The following SYN3 variants were observed in gnomAD, a reference collection of about 807,000 sequenced individuals.
SYN3 encodes synapsin III.
SYN3 carries 35 observed loss-of-function variants against 65.8 expected under a neutral mutation model. The ratio of observed to expected loss-of-function variants is 0.53; its 90% CI spans 0.41 to 0.70. The LOEUF (loss-of-function observed/expected upper bound fraction) is 0.70. SYN3 is among the 30% of genes least tolerant of loss of function. The probability of loss-of-function intolerance (pLI) is 0.00; values close to 1 mark genes in which losing one functional copy is unlikely to be tolerated. For synonymous variants in SYN3, 270 were observed against 292.9 expected, an observed-to-expected ratio of 0.92 and a Z score of 0.80; for missense variants, 680 against 749.0, an observed-to-expected ratio of 0.91 and a Z score of 1.08.
intron 6 of SYN3, among the ~76,000 whole-genome samples, chr22:32,842,787 A>G (rs1319035793): frequency 2.0e-5 from 3 of 152,142 alleles, no homozygotes; most frequent in African/African-American, 4.8e-5. Context: ...TAAACAGATG[A>G]TACGATATAC....
At chr22:32,689,870 G>C (rs2060639700) in intron 6 of SYN3, among the ~76,000 whole-genome samples, 1 of 152,114 alleles carries the variant, frequency 6.6e-6, no homozygotes, top group Non-Finnish European at 1.5e-5. Context: ...TGGGTTCTCA[G>C]TGCCCTTATA....
chr22:32,705,237 T>C (rs1351909529), intron 6 of SYN3, among the ~76,000 whole-genome samples: 2 of 152,156 alleles, frequency 1.3e-5, no homozygotes, highest in Non-Finnish European at 2.9e-5. Context: ...TTGTATATGG[T>C]GTAAGGAAGG....
chr22:32,990,605 G>T (rs1474091383), intron 2 of SYN3, among the ~76,000 whole-genome samples: 5 of 152,134 alleles, frequency 3.3e-5, no homozygotes, highest in African/African-American at 1.2e-4. Context: ...TGCCATCCTG[G>T]TTTTTACTGT....
intron 6 of SYN3, among the ~76,000 whole-genome samples, chr22:32,625,959 A>G (rs948093569): frequency 2.0e-4 from 30 of 152,224 alleles, no homozygotes; most frequent in African/African-American, 6.3e-4. Context: ...AAGGTTTCAA[A>G]TCAGACAGAG....
chr22:32,573,638 G>A (rs993378431), intron 7 of SYN3, among the ~76,000 whole-genome samples: 2 of 152,006 alleles, frequency 1.3e-5, no homozygotes, highest in African/African-American at 4.8e-5. Context: ...CAAAAGGAGA[G>A]TTTTGAGTGG....
chr22:32,731,470 C>T (rs2061269561), intron 6 of SYN3, among the ~76,000 whole-genome samples: 1 of 152,158 alleles, frequency 6.6e-6, no homozygotes, highest in Non-Finnish European at 1.5e-5. Flanking sequence ...AGGTCATATC[C>T]AGGAAGTTCT....
chr22:32,700,985 TATTC>T (rs761688388), intron 6 of SYN3, among the ~76,000 whole-genome samples: 39 of 152,344 alleles, frequency 2.6e-4, no homozygotes, highest in Middle Eastern at 3.4e-3. Flanking sequence ...TAACTCCTCA[TATTC>T]ATTCAATCAA....
chr22:32,998,026 CAAAA>C (rs133930), intron 2 of SYN3, among the ~76,000 whole-genome samples: 2 of 108,108 alleles, frequency 1.8e-5, no homozygotes, highest in African/African-American at 3.6e-5. Flanking sequence ...GACTCCATCT[CAAAA>C]AAAAAAAAAA....
At chr22:32,809,361 C>T (rs570086523) in intron 6 of SYN3, among the ~76,000 whole-genome samples, 5 of 152,330 alleles carry the variant, frequency 3.3e-5, no homozygotes, top group Admixed American at 6.5e-5. Context: ...TTGGGGTCCC[C>T]GTCAGTCTGC....
chr22:32,852,592 C>G (rs1466088579), intron 6 of SYN3, among the ~76,000 whole-genome samples: 1 of 152,148 alleles, frequency 6.6e-6, no homozygotes, highest in Non-Finnish European at 1.5e-5. Context: ...ACTAAAGGAA[C>G]TTGGAGAACC....
At chr22:32,525,002 G>A (rs1157158211) in intron 12 of SYN3, among the ~76,000 whole-genome samples, 2 of 152,186 alleles carry the variant, frequency 1.3e-5, no homozygotes, top group African/African-American at 2.4e-5. Context: ...GCTATAGAGC[G>A]AGACTCTGTC....
intron 6 of SYN3, among the ~76,000 whole-genome samples, chr22:32,756,438 A>G (rs544540563): frequency 2.6e-5 from 4 of 152,244 alleles, no homozygotes; most frequent in Non-Finnish European, 4.4e-5. Context: ...ATAATAATTT[A>G]TAATGAAAAT....
intron 3 of SYN3, among the ~76,000 whole-genome samples, chr22:32,946,118 G>T (rs914164376): frequency 2.6e-5 from 4 of 152,222 alleles, no homozygotes; most frequent in African/African-American, 9.7e-5. Context: ...TTCAACCATT[G>T]TGGAAGACAG....
At chr22:32,565,959 G>T (rs1454422507) in intron 7 of SYN3, among the ~76,000 whole-genome samples, 3 of 151,878 alleles carry the variant, frequency 2.0e-5, no homozygotes, top group African/African-American at 4.8e-5. Flanking sequence ...TGATCTGCCC[G>T]CCTCGGCCTC....
At chr22:32,644,981 A>G (rs923117530) in intron 6 of SYN3, among the ~76,000 whole-genome samples, 1 of 152,102 alleles carries the variant, frequency 6.6e-6, no homozygotes, top group South Asian at 2.1e-4. Context: ...CGTAGCAGGA[A>G]GTGGTTGGGG....
intron 6 of SYN3, among the ~76,000 whole-genome samples, chr22:32,635,857 A>G (rs1014869637): frequency 6.6e-5 from 10 of 152,176 alleles, no homozygotes; most frequent in African/African-American, 2.4e-4. Flanking sequence ...TTTTTCTTTA[A>G]AAAGACTTAA....
At chr22:32,921,555 C>T (rs1325910202) in intron 4 of SYN3, among the ~76,000 whole-genome samples, 2 of 152,162 alleles carry the variant, frequency 1.3e-5, no homozygotes, top group African/African-American at 2.4e-5. Flanking sequence ...TTCGAAGACA[C>T]TTGGAAATTC....
intron 3 of SYN3, among the ~76,000 whole-genome samples, chr22:32,967,324 A>C (rs2146921893): frequency 6.6e-6 from 1 of 152,344 alleles, no homozygotes; most frequent in South Asian, 2.1e-4. Context: ...TAAAGTAAAT[A>C]GTGCCTTAGA....
intron 7 of SYN3, among the ~76,000 whole-genome samples, chr22:32,589,725 A>G (rs541983960): frequency 1.3e-5 from 2 of 152,266 alleles, no homozygotes; most frequent in Admixed American, 6.5e-5. Flanking sequence ...GGTCTAATCT[A>G]TCTTCCCATG....
Sources: gnomAD v4.1 joint callset for allele counts (sites outside exome capture counted in the v4.1 genomes callset) on GRCh38, gnomAD v4.1.1 for gene constraint, MANE v1.5 for transcripts, NCBI Gene and HGNC (gene_info 2026-07-23, HGNC 2026-07-21) for gene names.